PCDH11Y: variants seen among roughly 807,000 people sequenced by gnomAD.
PCDH11Y encodes the protein protocadherin 11 Y-linked, also known as protocadherin-11 Y-linked.
For missense variants in PCDH11Y, 12 were observed against 224.8 expected (o/e 0.05, Z 6.05); for synonymous variants, 9 against 83.6 (o/e 0.11, Z 4.87).
chrY:5,180,410 T>C (rs2052898843), intron 2 of PCDH11Y, among the ~76,000 whole-genome samples: 1 of 33,894 alleles, frequency 3.0e-5, no homozygotes, highest in Non-Finnish European at 7.3e-5. Flanking sequence ...TCTGTTGAAT[T>C]TGGGTGGAGA....
At chrY:5,680,995 G>T in intron 4 of PCDH11Y, among the ~76,000 whole-genome samples, 1 of 32,288 alleles carries the variant, frequency 3.1e-5, no homozygotes, top group Non-Finnish European at 7.6e-5. Context: ...GTATAAGAAG[G>T]TTACAGAGCA....
Position 5,058,050 on chromosome Y carries a change from ATGTTC to A in PCDH11Y, c.636+596_636+600del, listed in dbSNP as rs1569474596. Among the ~76,000 whole-genome samples, 12 of 33,588 alleles carry A rather than the reference ATGTTC, an allele frequency of 3.6e-4. No homozygotes were observed. The East Asian group carries it at 9.3e-3, about 26-fold the overall frequency. 90.1% of individuals were successfully genotyped at this position (33,588 alleles called of 37,273 possible). ...TCAAATTGAGATTAAATTTTAGTCA[ATGTTC>A]TGTTAATGTTAAATATTTTCTTTTT... is the stretch of plus-strand genomic sequence containing the variant. On this transcript the variant is annotated intron_variant, in intron 1 of 1. Coordinates refer to ENST00000215473, the Ensembl canonical transcript of PCDH11Y.
chrY:5,357,250 C>CAT (rs2053168686), intron 2 of PCDH11Y, among the ~76,000 whole-genome samples: 2 of 12,715 alleles, frequency 1.6e-4, no homozygotes, highest in Non-Finnish European at 3.0e-4. Context: ...TATATATATA[C>CAT]GTATATATAT....
chrY:5,502,566 G>T (rs1602935157), intron 3 of PCDH11Y, among the ~76,000 whole-genome samples: 1 of 32,027 alleles, frequency 3.1e-5, no homozygotes, highest in East Asian at 8.0e-4. Flanking sequence ...ACTTTGTTTA[G>T]CACAGCAAAA....
chrY:5,537,762 A>G, intron 3 of PCDH11Y, among the ~76,000 whole-genome samples: 1 of 33,533 alleles, frequency 3.0e-5, no homozygotes, highest in East Asian at 8.0e-4. Context: ...ATTATGGACA[A>G]ATCTGTGAGA....
At chrY:5,049,405 A>G (rs2052647827) in intron 3 of PCDH11Y, among the ~76,000 whole-genome samples, 1 of 30,894 alleles carries the variant, frequency 3.2e-5, no homozygotes, top group African/African-American at 1.3e-4. Context: ...GTTTTTTTCT[A>G]CTTCTGTGAA....
chrY:5,371,174 T>A, intron 2 of PCDH11Y, among the ~76,000 whole-genome samples: 1 of 32,238 alleles, frequency 3.1e-5, no homozygotes, highest in Admixed American at 2.9e-4. Flanking sequence ...CAATCTTTCC[T>A]TTCTCCCTGG....
At chrY:5,004,694 T>G in intron 1 of PCDH11Y, among the ~76,000 whole-genome samples, 1 of 34,047 alleles carries the variant, frequency 2.9e-5, no homozygotes, top group African/African-American at 1.1e-4. Flanking sequence ...TTTTGAAGGC[T>G]AATTCTCTCC....
chrY:5,443,414 C>T, intron 2 of PCDH11Y, among the ~76,000 whole-genome samples: 1 of 32,777 alleles, frequency 3.1e-5, no homozygotes, highest in Non-Finnish European at 7.6e-5. Context: ...AGAAGAGAAG[C>T]GTTGCAACAT....
chrY:5,046,465 G>C (rs2124625952), intron 3 of PCDH11Y, among the ~76,000 whole-genome samples: 4 of 33,837 alleles, frequency 1.2e-4, no homozygotes, highest in East Asian at 8.0e-4. Context: ...GGCAGTCTGC[G>C]TGTTCTCAGA....
chrY:5,630,697 T>C (rs2053511757), intron 4 of PCDH11Y, among the ~76,000 whole-genome samples: 4 of 33,436 alleles, frequency 1.2e-4, no homozygotes, highest in African/African-American at 4.7e-4. Flanking sequence ...AAACACTAAG[T>C]GCCATGCCTG....
intron 2 of PCDH11Y, among the ~76,000 whole-genome samples, chrY:5,139,475 T>C (rs2052845307): frequency 3.2e-5 from 1 of 31,458 alleles, no homozygotes; most frequent in Non-Finnish European, 7.7e-5. Flanking sequence ...ATGATATTAT[T>C]GTATACCTAG....
At chrY:5,178,115 A>C in intron 2 of PCDH11Y, among the ~76,000 whole-genome samples, 1 of 33,279 alleles carries the variant, frequency 3.0e-5, no homozygotes, top group East Asian at 8.1e-4. Context: ...TTTGTCACTA[A>C]ATAATCACCA....
At chrY:5,102,557 G>A, downstream of PCDH11Y, among the ~76,000 whole-genome samples, 1 of 31,842 alleles carries the variant, frequency 3.1e-5, no homozygotes, top group Non-Finnish European at 7.7e-5. Flanking sequence ...TTATGAGCTA[G>A]ACTGATTTTA....
chrY:5,024,766 T>G, intron 1 of PCDH11Y, among the ~76,000 whole-genome samples: 1 of 32,607 alleles, frequency 3.1e-5, no homozygotes, highest in South Asian at 6.7e-4. Context: ...GAGAAAAAGG[T>G]AAATTAAAAC....
At chrY:5,341,297 A>G in intron 2 of PCDH11Y, among the ~76,000 whole-genome samples, 1 of 32,448 alleles carries the variant, frequency 3.1e-5, no homozygotes, top group Non-Finnish European at 7.5e-5. Context: ...TTGTAGAAAC[A>G]GGGTCTCACT....
intron 3 of PCDH11Y, among the ~76,000 whole-genome samples, chrY:5,517,759 C>G: frequency 3.1e-5 from 1 of 32,547 alleles, no homozygotes; most frequent in Non-Finnish European, 7.5e-5. Flanking sequence ...GAAGTTAAGT[C>G]TTTCCCTCGA....
intron 2 of PCDH11Y, among the ~76,000 whole-genome samples, chrY:5,163,527 G>A (rs2052876497): frequency 3.0e-5 from 1 of 32,874 alleles, no homozygotes; most frequent in East Asian, 8.2e-4. Flanking sequence ...AGTTTTGGAG[G>A]TGGGCCTGGT....
At chrY:5,384,576 A>G in intron 2 of PCDH11Y, among the ~76,000 whole-genome samples, 1 of 29,805 alleles carries the variant, frequency 3.4e-5, no homozygotes, top group South Asian at 8.0e-4. Flanking sequence ...TTGGTGGTAA[A>G]CTTAACCTCA....
Sources: allele counts gnomAD v4.1 joint callset (sites outside exome capture counted in the v4.1 genomes callset), GRCh38; gene constraint gnomAD v4.1.1; transcripts MANE v1.5; gene names NCBI Gene and HGNC (gene_info 2026-07-23, HGNC 2026-07-21).